MBP: variants seen among roughly 807,000 people sequenced by gnomAD.
MBP encodes myelin basic protein.
MBP carries 16 observed loss-of-function variants against 35.8 expected under a neutral mutation model. The observed-to-expected ratio is 0.45, with a 90% CI of 0.30 to 0.68. The LOEUF is 0.68. MBP is among the 30% of genes least tolerant of loss of function. The pLI, the probability that MBP is intolerant of heterozygous loss-of-function variation, is 0.08. For missense variants in MBP, 380 were observed against 404.7 expected (o/e 0.94, Z 0.52); for synonymous variants, 143 against 159.6 (o/e 0.90, Z 0.78).
intron 3 of MBP, among the ~76,000 whole-genome samples, chr18:77,036,919 T>G (rs1192814183): frequency 1.4e-5 from 1 of 72,688 alleles, no homozygotes. Context: ...GGTCACATTT[T>G]GGAGACTGAG....
intron 2 of MBP, among the ~76,000 whole-genome samples, chr18:77,091,674 A>T (rs926422357): frequency 4.0e-5 from 6 of 151,736 alleles, no homozygotes; most frequent in Admixed American, 6.6e-5. Flanking sequence ...ATGCGTGAAC[A>T]CACATGTATA....
At chr18:77,075,401 G>A (rs927926089) in intron 2 of MBP, among the ~76,000 whole-genome samples, 4 of 152,132 alleles carry the variant, frequency 2.6e-5, no homozygotes, top group Admixed American at 1.3e-4. Context: ...CCATCAAAAC[G>A]CCCATCACAC....
At chr18:77,108,166 G>A (rs1181817577) in intron 1 of MBP, 6 of 152,202 alleles carry the variant, frequency 3.9e-5, no homozygotes, top group South Asian at 2.1e-4. Flanking sequence ...AGAAGAGCTC[G>A]AGAAGGATGA....
intron 3 of MBP, among the ~76,000 whole-genome samples, chr18:77,040,007 T>C (rs1972923406): frequency 6.6e-6 from 1 of 152,130 alleles, no homozygotes; most frequent in Admixed American, 6.5e-5. Flanking sequence ...AGTAGGAAAA[T>C]TACTCTGGTG....
intron 3 of MBP, among the ~76,000 whole-genome samples, chr18:77,064,220 G>A (rs2144790121): frequency 6.6e-6 from 1 of 152,166 alleles, no homozygotes; most frequent in South Asian, 2.1e-4. Flanking sequence ...ATCAAGGCTG[G>A]GACATCCCAT....
chr18:77,010,913 A>G (rs1243381886), intron 4 of MBP, among the ~76,000 whole-genome samples: 2 of 152,216 alleles, frequency 1.3e-5, no homozygotes, highest in East Asian at 3.8e-4. Flanking sequence ...GAGAAAGAGG[A>G]GACTTATAGT....
chr18:77,066,549 C>G, intron 2 of MBP, 164 bp from the exon 3 acceptor site: 1 of 766,488 alleles, frequency 1.3e-6, no homozygotes, highest in East Asian at 2.4e-5. Flanking sequence ...GGGTTTTCTG[C>G]GCAGGATTCG....
chr18:77,098,331 CAGAG>C (rs897528118), intron 2 of MBP, among the ~76,000 whole-genome samples: 1 of 152,068 alleles, frequency 6.6e-6, no homozygotes, highest in Non-Finnish European at 1.5e-5. Context: ...TAAGTAAGCA[CAGAG>C]AGAGAAAGTA....
At chr18:77,014,831 A>C (rs548196209) in intron 4 of MBP, 1 of 985,430 alleles carries the variant, frequency 1.0e-6, no homozygotes, top group African/African-American at 1.7e-5. Context: ...TTGGCATCAA[A>C]GGGCAAGCCT....
At chr18:76,990,225 T>C (rs1237676041) in intron 4 of MBP, among the ~76,000 whole-genome samples, 165 bp from the exon 5 acceptor site, 1 of 151,824 alleles carries the variant, frequency 6.6e-6, no homozygotes, top group Non-Finnish European at 1.5e-5. Context: ...ATCTAGACTA[T>C]CACAATGGGG....
chr18:76,995,877 C>T (rs1970239541), intron 4 of MBP, among the ~76,000 whole-genome samples: 1 of 152,026 alleles, frequency 6.6e-6, no homozygotes, highest in Non-Finnish European at 1.5e-5. Flanking sequence ...TTACAAAAGA[C>T]ACCATCAAGA....
intron 1 of MBP, among the ~76,000 whole-genome samples, chr18:77,107,519 A>G (rs575252547): frequency 6.6e-6 from 1 of 152,332 alleles, no homozygotes; most frequent in East Asian, 1.9e-4. Flanking sequence ...AAATCAGAAT[A>G]GTGTGGGCCA....
intron 2 of MBP, among the ~76,000 whole-genome samples, chr18:77,076,855 A>C (rs1974671529): frequency 1.3e-5 from 2 of 152,200 alleles, no homozygotes. Context: ...TGCTGAGAGC[A>C]TTCTGGAGCC....
rs1410014686 is a variant in MBP, at chr18:77,018,784, A to G, written c.140-1516T>C. On this transcript the variant is annotated intron_variant, in intron 3 of 8. Transcript: ENST00000355994. ...TCCATCCATCCATCCATCCATCCAC[A>G]TATCAGTCCATTTACCCATTTATCC... 1.9e-3 allele frequency among the ~76,000 whole-genome samples: 163 copies of G among 84,186 alleles called. 2 individuals are homozygous for G. Among genetic ancestry groups the G allele is most frequent in the African/African-American group, 0.011 (160 of 14,956 alleles). The allele number at this position is 84,186 out of a possible 152,430, so 55.2% of individuals were successfully genotyped here. A position where few individuals can be genotyped will look rare whatever the true frequency, so the allele number is the denominator to read the frequency against.
intron 8 of MBP, chr18:76,983,141 C>G (rs1568261952): frequency 1.3e-5 from 2 of 150,902 alleles, no homozygotes; most frequent in Non-Finnish European, 2.9e-5. Flanking sequence ...GGGCCCCTCA[C>G]TCATCTGGGC....
intron 2 of MBP, among the ~76,000 whole-genome samples, chr18:77,097,964 A>T (rs887427669): frequency 6.6e-6 from 1 of 151,994 alleles, no homozygotes; most frequent in Non-Finnish European, 1.5e-5. Context: ...CAACCCTGGG[A>T]AGTGGGGAAG....
At chr18:77,099,566 C>T (rs1199091751) in intron 2 of MBP, among the ~76,000 whole-genome samples, 2 of 152,252 alleles carry the variant, frequency 1.3e-5, no homozygotes, top group African/African-American at 4.8e-5. Flanking sequence ...ACGCAAGGAT[C>T]GTTTCTGCCC....
Position 77,060,435 on chromosome 18 carries a change from T to TC in MBP, c.139+5862_139+5863insG, listed in dbSNP as rs1285292761. 3.5e-3 allele frequency among the ~76,000 whole-genome samples: 501 copies of TC among 143,558 alleles called. 10 individuals carry two copies. In the East Asian group the frequency reaches 0.039, roughly 11 times the overall value. The allele number at this position is 143,558 out of a possible 152,430, so 94.2% of individuals were successfully genotyped here. A position where few individuals can be genotyped will look rare whatever the true frequency, so the allele number is the denominator to read the frequency against. ...CATCCTGTAATGGAGTATAACTGTT[T>TC]TCTCTCTCTCTCCTTTTTTTTTTTT... On this transcript the variant is annotated intron_variant, in intron 3 of 8. Coordinates refer to ENST00000355994, the MANE Select transcript of MBP (RefSeq NM_001025101.2).
chr18:77,067,907 G>A (rs1974263960), intron 2 of MBP: 2 of 477,662 alleles, frequency 4.2e-6, no homozygotes, highest in Non-Finnish European at 4.2e-6. Flanking sequence ...CTTATGTACT[G>A]CAGGCTGTTT....
Sources: allele counts gnomAD v4.1 joint callset (sites outside exome capture counted in the v4.1 genomes callset), GRCh38; gene constraint gnomAD v4.1.1; transcripts MANE v1.5; gene names NCBI Gene and HGNC (gene_info 2026-07-23, HGNC 2026-07-21).